SYN2: variants seen among roughly 807,000 people sequenced by gnomAD.
SYN2 encodes synapsin II.
A neutral mutation model predicts 50.9 loss-of-function variants in SYN2; 19 were observed. That is an observed-to-expected ratio of 0.37 (90% CI 0.26 to 0.55). The LOEUF (loss-of-function observed/expected upper bound fraction) is 0.55, where lower values mean the gene tolerates loss of function less well. Ranked by LOEUF, SYN2 falls within the 20% of genes least tolerant of loss-of-function variation. The probability of loss-of-function intolerance (pLI) is 0.81; values close to 1 mark genes in which losing one functional copy is unlikely to be tolerated. For synonymous variants in SYN2, 255 were observed against 224.9 expected, an observed-to-expected ratio of 1.13 and a Z score of -1.20; for missense variants, 587 against 576.4, an observed-to-expected ratio of 1.02 and a Z score of -0.19.
intron 5 of SYN2, chr3:12,153,273 A>G: frequency 1.8e-6 from 1 of 570,594 alleles, no homozygotes; most frequent in South Asian, 2.0e-5. Flanking sequence ...GCCAGAAGAA[A>G]CACTTGCAGT....
chr3:12,044,386 T>C (rs940755946), intron 1 of SYN2, among the ~76,000 whole-genome samples: 3 of 152,160 alleles, frequency 2.0e-5, no homozygotes, highest in East Asian at 3.8e-4. Context: ...ATTGAAAGAT[T>C]TGAAATGAGA....
chr3:12,088,831 G>A (rs1235119424), intron 1 of SYN2, among the ~76,000 whole-genome samples: 1 of 152,146 alleles, frequency 6.6e-6, no homozygotes, highest in East Asian at 1.9e-4. Context: ...ATCTTAAAAA[G>A]TTGAACCCAT....
At chr3:12,045,817 A>G (rs749686805) in intron 1 of SYN2, among the ~76,000 whole-genome samples, 1 of 152,198 alleles carries the variant, frequency 6.6e-6, no homozygotes, top group Non-Finnish European at 1.5e-5. Flanking sequence ...AGAGTACTAT[A>G]TAGAATTTGA....
At chr3:12,103,189 T>C (rs954768258) in intron 1 of SYN2, among the ~76,000 whole-genome samples, 1 of 152,146 alleles carries the variant, frequency 6.6e-6, no homozygotes, top group African/African-American at 2.4e-5. Context: ...TCAGGCAGTC[T>C]GCCCCAGACC....
At chr3:12,172,930 C>T (rs1020191955) in intron 10 of SYN2, among the ~76,000 whole-genome samples, 6 of 152,222 alleles carry the variant, frequency 3.9e-5, no homozygotes, top group Middle Eastern at 3.2e-3. Context: ...CCCATGTGGG[C>T]AAGGACTGTG....
intron 1 of SYN2, among the ~76,000 whole-genome samples, chr3:12,033,271 C>G (rs1694419483): frequency 6.6e-6 from 1 of 152,306 alleles, no homozygotes; most frequent in East Asian, 1.9e-4. Context: ...GGGAGAACCA[C>G]TGCTCTCTTC....
intron 10 of SYN2, among the ~76,000 whole-genome samples, chr3:12,176,880 C>CT (rs1413240989): frequency 6.6e-6 from 1 of 152,116 alleles, no homozygotes; most frequent in African/African-American, 2.4e-5. Context: ...AGTAAACTCT[C>CT]TAACACTCAG....
chr3:12,037,814 C>T (rs1407397566), intron 1 of SYN2, among the ~76,000 whole-genome samples: 1 of 152,160 alleles, frequency 6.6e-6, no homozygotes, highest in East Asian at 1.9e-4. Flanking sequence ...TAGCAAATAC[C>T]TTACCATATA....
intron 1 of SYN2, among the ~76,000 whole-genome samples, chr3:12,034,703 A>C (rs1559393483): frequency 6.6e-6 from 1 of 152,306 alleles, no homozygotes; most frequent in East Asian, 1.9e-4. Flanking sequence ...ACTCACTCCC[A>C]GGATAACAGC....
At chr3:12,070,452 C>A in intron 1 of SYN2, 1 of 570,632 alleles carries the variant, frequency 1.8e-6, no homozygotes, top group South Asian at 1.5e-5. Context: ...CCCCATTGAG[C>A]GTGGCATCGT....
chr3:12,099,649 A>G (rs1461958053), intron 1 of SYN2, among the ~76,000 whole-genome samples: 1 of 152,108 alleles, frequency 6.6e-6, no homozygotes, highest in Non-Finnish European at 1.5e-5. Context: ...AAATAAGAGA[A>G]AACTAAATTC....
chr3:12,062,722 A>T (rs1020305502), intron 1 of SYN2, among the ~76,000 whole-genome samples: 1 of 152,060 alleles, frequency 6.6e-6, no homozygotes, highest in Admixed American at 6.6e-5. Context: ...TCCAGCATTC[A>T]TGCTCCTAGG....
intron 1 of SYN2, among the ~76,000 whole-genome samples, chr3:12,140,382 G>A (rs369247459): frequency 6.6e-6 from 1 of 152,274 alleles, no homozygotes; most frequent in South Asian, 2.1e-4. Context: ...TTCTAGATGC[G>A]TTTTATAGCC....
intron 6 of SYN2, 26 bp downstream of exon 6, chr3:12,161,634 T>A (rs528979113): frequency 1.2e-6 from 2 of 1,613,864 alleles, no homozygotes; most frequent in South Asian, 2.2e-5. Flanking sequence ...CTGCTGTGCT[T>A]CAGGGTTGAA....
chr3:12,010,558 A>G (rs1169637482), intron 1 of SYN2, among the ~76,000 whole-genome samples: 2 of 152,258 alleles, frequency 1.3e-5, no homozygotes, highest in Non-Finnish European at 2.9e-5. Flanking sequence ...ATGTTCCATT[A>G]AAATGTGCCA....
chr3:12,150,193 C>T (rs1324242516), intron 4 of SYN2, among the ~76,000 whole-genome samples: 1 of 152,188 alleles, frequency 6.6e-6, no homozygotes, highest in Admixed American at 6.5e-5. Flanking sequence ...TCCCTTCTAG[C>T]CATGCCAGAT....
At chr3:12,187,694 C>T in intron 12 of SYN2, 82 bp downstream of exon 12, 1 of 1,447,470 alleles carries the variant, frequency 6.9e-7, no homozygotes, top group Non-Finnish European at 9.2e-7. Flanking sequence ...CTAGAAATCA[C>T]CTTCAATCAG....
At chr3:12,154,762 T>G (rs1192131638) in intron 5 of SYN2, among the ~76,000 whole-genome samples, 4 of 152,172 alleles carry the variant, frequency 2.6e-5, no homozygotes, top group Non-Finnish European at 5.9e-5. Context: ...TTTCTGTCAT[T>G]TACTAGCTGA....
chr3:12,086,794 A>G (rs1243049880), intron 1 of SYN2, among the ~76,000 whole-genome samples: 1 of 152,224 alleles, frequency 6.6e-6, no homozygotes, highest in Non-Finnish European at 1.5e-5. Context: ...TTTCTCTAAG[A>G]TCAGGAATAA....
Sources: gnomAD v4.1 joint callset for allele counts (sites outside exome capture counted in the v4.1 genomes callset) on GRCh38, gnomAD v4.1.1 for gene constraint, MANE v1.5 for transcripts, NCBI Gene and HGNC (gene_info 2026-07-23, HGNC 2026-07-21) for gene names.